MFSD1: variants seen among roughly 807,000 people sequenced by gnomAD.
The protein encoded by MFSD1 is lysosomal dipeptide transporter MFSD1.
Under a neutral mutation model 67.1 loss-of-function variants are expected in MFSD1, and 59 were observed. That is an observed-to-expected ratio of 0.88 (90% CI 0.71 to 1.09). The LOEUF (loss-of-function observed/expected upper bound fraction) is 1.09. Among genes scored for constraint, MFSD1 ranks in the 50% least tolerant of loss-of-function variants. The pLI, the probability that MFSD1 is intolerant of heterozygous loss-of-function variation, is 0.00. For missense variants in MFSD1, 552 were observed against 566.1 expected (o/e 0.97, Z 0.25); for synonymous variants, 213 against 200.3 (o/e 1.06, Z -0.54).
chr3:158,821,878 G>A, intron 10 of MFSD1, 106 bp from the exon 11 acceptor site: 1 of 1,237,046 alleles, frequency 8.1e-7, no homozygotes, highest in Non-Finnish European at 1.1e-6. Context: ...TTATAAGAAT[G>A]TTAAATGAGT....
rs1230509202 is a variant in MFSD1 at position 158,822,069 on chromosome 3, T to C, written c.1006T>C (p.Cys336Arg). 6.2e-7 allele frequency: 1 copy of C among 1,613,988 alleles called. No homozygotes were observed. Among genetic ancestry groups the C allele is most frequent in the South Asian group, 1.1e-5 (1 of 91,078 alleles). Residue 336 changes from cysteine to arginine, a missense_variant, in exon 11 of 16, where the codon TGC becomes CGC. Transcript: ENST00000415822. ...AGGGAAGAACATCATCTGGGTTCTT[T>C]GCGCAGTAGCAGCCACTCTTGTGTC... ...KTGKNIIWVL[C>R]AVAATLVSHM...
chr3:158,814,264 A>G (rs1210913385), intron 7 of MFSD1, among the ~76,000 whole-genome samples, 197 bp downstream of exon 7: 1 of 152,214 alleles, frequency 6.6e-6, no homozygotes, highest in Non-Finnish European at 1.5e-5. Context: ...CACTTTCTGA[A>G]AATGGATTTA....
At chr3:158,813,938 G>T in intron 6 of MFSD1, 27 bp from the exon 7 acceptor site, 1 of 1,505,120 alleles carries the variant, frequency 6.6e-7, no homozygotes, top group Non-Finnish European at 9.2e-7. Context: ...TTAAAATGCT[G>T]TTGTTTTTTT....
intron 7 of MFSD1, among the ~76,000 whole-genome samples, chr3:158,815,987 C>T (rs1329899798): frequency 3.3e-5 from 5 of 152,130 alleles, no homozygotes; most frequent in Non-Finnish European, 5.9e-5. Context: ...ATGAACTCAT[C>T]ATTTTTTATG....
Position 158,829,546 on chromosome 3 carries a change from C to T in MFSD1, c.*564C>T, listed in dbSNP as rs1017215678. The T allele has an allele frequency of 6.6e-6, 1 of 152,168 alleles. No individual in the cohort carries two copies. The allele number at this position is 152,168 out of a possible 1,614,324, so 9.4% of individuals were successfully genotyped here. ...AGTTATGTGGATTGCCGAGCAATGACCCTTTTCAATTTCTTATTTCTGTGT... is the reference window on the plus strand; with the variant it reads ...AGTTATGTGGATTGCCGAGCAATGATCCTTTTCAATTTCTTATTTCTGTGT... On this transcript the variant is annotated 3_prime_UTR_variant, in exon 16 of 16. Transcript: ENST00000415822.
intron 5 of MFSD1, 150 bp from the exon 6 acceptor site, chr3:158,809,029 A>G: frequency 1.9e-6 from 1 of 534,978 alleles, no homozygotes; most frequent in Non-Finnish European, 3.3e-6. Context: ...TGGTTGAAGT[A>G]GTCACAAGCC....
At chr3:158,815,925 TA>T (rs1730309271) in intron 7 of MFSD1, among the ~76,000 whole-genome samples, 1 of 152,058 alleles carries the variant, frequency 6.6e-6, no homozygotes, top group Non-Finnish European at 1.5e-5. Context: ...GTCCTTGTGA[TA>T]GTTTACTGAG....
chr3:158,819,850 C>G, intron 8 of MFSD1, 103 bp downstream of exon 8: 2 of 567,702 alleles, frequency 3.5e-6, no homozygotes, highest in Non-Finnish European at 6.2e-6. Flanking sequence ...CCAGGTGGAG[C>G]TTAAGACATG....
chr3:158,820,347 C>T, intron 9 of MFSD1, 21 bp downstream of exon 9: 1 of 1,477,136 alleles, frequency 6.8e-7, no homozygotes, highest in Non-Finnish European at 9.5e-7. Context: ...TCTATGTTTC[C>T]ATTATTTCTT....
intron 1 of MFSD1, 118 bp downstream of exon 1, chr3:158,802,433 C>A: frequency 9.0e-7 from 1 of 1,110,150 alleles, no homozygotes; most frequent in Non-Finnish European, 1.3e-6. Context: ...CTGTCTTAAG[C>A]TCCTGGGCCT....
chr3:158,806,461 A>G (rs1381549711), intron 3 of MFSD1, among the ~76,000 whole-genome samples: 10 of 152,204 alleles, frequency 6.6e-5, no homozygotes, highest in Admixed American at 2.0e-4. Context: ...TTTAAGAAGT[A>G]TGGTTTACCC....
At chr3:158,816,296 C>T (rs1730340051) in intron 7 of MFSD1, among the ~76,000 whole-genome samples, 3 of 152,180 alleles carry the variant, frequency 2.0e-5, no homozygotes, top group Admixed American at 2.0e-4. Context: ...CCTATTTCTC[C>T]ACATCCTCTC....
intron 7 of MFSD1, among the ~76,000 whole-genome samples, chr3:158,815,519 C>T (rs902533815): frequency 4.0e-5 from 6 of 151,694 alleles, no homozygotes; most frequent in African/African-American, 1.5e-4. Context: ...CATATATACA[C>T]ATGCATATAA....
intron 6 of MFSD1, 85 bp from the exon 7 acceptor site, chr3:158,813,880 G>A (rs1339021518): frequency 1.2e-6 from 1 of 810,650 alleles, no homozygotes; most frequent in East Asian, 3.2e-5. Flanking sequence ...TCCTACTTCT[G>A]AGCCACCTCA....
intron 10 of MFSD1, 81 bp downstream of exon 10, chr3:158,821,734 A>G (rs537211164): frequency 7.1e-5 from 88 of 1,233,718 alleles, no homozygotes; most frequent in Non-Finnish European, 9.6e-5. Flanking sequence ...GAAGCAAAAA[A>G]GATGTATGTG....
intron 14 of MFSD1, 69 bp downstream of exon 14, chr3:158,826,131 C>T (rs1287165862): frequency 5.5e-6 from 7 of 1,281,748 alleles, no homozygotes; most frequent in African/African-American, 2.9e-5. Context: ...CTGGGTCTGC[C>T]TCTTTGGGGG....
chr3:158,825,230 C>T (rs1346915873), intron 13 of MFSD1: 1 of 152,116 alleles, frequency 6.6e-6, no homozygotes, highest in Admixed American at 6.5e-5. Context: ...GCAGTCACAG[C>T]TCAATGTAAC....
intron 7 of MFSD1, among the ~76,000 whole-genome samples, chr3:158,815,241 A>T (rs1482209073): frequency 1.3e-5 from 2 of 152,316 alleles, no homozygotes; most frequent in South Asian, 4.1e-4. Flanking sequence ...ATATGGTTGA[A>T]AAACCACTAA....
chr3:158,824,784 T>C (rs1191215944), intron 13 of MFSD1, among the ~76,000 whole-genome samples: 3 of 152,238 alleles, frequency 2.0e-5, no homozygotes, highest in African/African-American at 7.2e-5. Flanking sequence ...AGATGTCTTT[T>C]ATAGTTCAAT....
Sources: gnomAD v4.1 joint callset for allele counts (sites outside exome capture counted in the v4.1 genomes callset) on GRCh38, gnomAD v4.1.1 for gene constraint, MANE v1.5 for transcripts, NCBI Gene and HGNC (gene_info 2026-07-23, HGNC 2026-07-21) for gene names.